The following FN1 variants were observed in gnomAD, a reference collection of about 807,000 sequenced individuals.
The protein encoded by FN1 is fibronectin.
FN1 carries 106 observed loss-of-function variants against 297.3 expected under a neutral mutation model. The observed-to-expected ratio is 0.36, with a 90% CI of 0.30 to 0.42. The LOEUF is 0.42. Ranked by LOEUF, FN1 falls within the 10% of genes least tolerant of loss-of-function variation. The pLI is 1.00. For missense variants in FN1, 2,690 were observed against 3,124.9 expected (o/e 0.86, Z 3.32); for synonymous variants, 1,149 against 1,152.6 (o/e 1.00, Z 0.06).
At chr2:215,425,616 G>T (rs943662362) in intron 6 of FN1, among the ~76,000 whole-genome samples, 2 of 151,588 alleles carry the variant, frequency 1.3e-5, no homozygotes, top group African/African-American at 4.8e-5. Flanking sequence ...GCAGTGGCGC[G>T]GTCTCGGCTC....
At chr2:215,379,435 C>A (rs774348332) in intron 33 of FN1, 118 bp from the exon 34 acceptor site, 1 of 815,420 alleles carries the variant, frequency 1.2e-6, no homozygotes, top group Non-Finnish European at 2.0e-6. Context: ...GTTCCCTGGT[C>A]AAGCAAAGAT....
At chr2:215,424,799 T>C (rs1270470744) in intron 7 of FN1, among the ~76,000 whole-genome samples, 2 of 152,320 alleles carry the variant, frequency 1.3e-5, no homozygotes, top group Middle Eastern at 3.4e-3. Context: ...TGCTGAAATT[T>C]GAGATTTAGA....
At chr2:215,381,574 A>G (rs2058218045) in intron 32 of FN1, 1 of 223,638 alleles carries the variant, frequency 4.5e-6, no homozygotes, top group Admixed American at 5.3e-5. Flanking sequence ...CCTGGGTCCA[A>G]GTGATTCTTC....
intron 5 of FN1, among the ~76,000 whole-genome samples, chr2:215,429,642 T>C (rs1399298416): frequency 6.6e-6 from 1 of 152,226 alleles, no homozygotes; most frequent in African/African-American, 2.4e-5. Context: ...CTTTCAGTAT[T>C]TCTGTTGAAA....
chr2:215,431,663 T>A (rs1419641455), intron 4 of FN1, among the ~76,000 whole-genome samples, 170 bp downstream of exon 4: 1 of 152,250 alleles, frequency 6.6e-6, no homozygotes, highest in South Asian at 2.1e-4. Flanking sequence ...ATCTAACTCC[T>A]GTAAGAAGAC....
intron 28 of FN1, among the ~76,000 whole-genome samples, chr2:215,386,005 T>G (rs1422677850): frequency 2.0e-5 from 3 of 151,564 alleles, no homozygotes; most frequent in African/African-American, 7.3e-5. Context: ...CTCGATCTCT[T>G]GACCTCGTGA....
Position 215,434,582 on chromosome 2 carries a change from A to G in FN1, c.277+114T>C, listed in dbSNP as rs2067129392. ...CAGTTTTTAAACTTAAGAGGAAATG[A>G]CAGGTAATTCTATTAGAAAAATGGT... On this transcript the variant is annotated intron_variant, in intron 2 of 45. Coordinates refer to ENST00000354785, the MANE Select transcript of FN1 (RefSeq NM_212482.4). The G allele has an allele frequency of 2.1e-5, 26 of 1,240,824 alleles. No individual in the cohort carries two copies. The South Asian group carries it at 3.0e-4, about 14-fold the overall frequency. The allele number at this position is 1,240,824 out of a possible 1,614,324, so 76.9% of individuals were successfully genotyped here. A position where few individuals can be genotyped will look rare whatever the true frequency, so the allele number is the denominator to read the frequency against.
chr2:215,387,293 T>G (rs1322360635), intron 27 of FN1, among the ~76,000 whole-genome samples: 1 of 152,184 alleles, frequency 6.6e-6, no homozygotes, highest in African/African-American at 2.4e-5. Flanking sequence ...AATTGACATT[T>G]TCAAATTCTT....
chr2:215,409,539 TCTTGAGCGACATATTGAG>T lies in FN1; in HGVS notation c.2299+6_2299+23del. On this transcript the variant is annotated splice_donor_region_variant and intron_variant, in intron 15 of 45. Transcript: ENST00000354785. ...TTTTCCAGCAGCTGCCCTGAACCTGTCTTGAGCGACATATTGAGCTTACCCAGGTACTGTGGCTCATCT... is the reference window on the plus strand; with the variant it reads ...TTTTCCAGCAGCTGCCCTGAACCTGTCTTACCCAGGTACTGTGGCTCATCT... The T allele has an allele frequency of 6.2e-7, 1 of 1,611,048 alleles. No homozygotes were observed. The highest frequency in any genetic ancestry group is 8.5e-7 in the Non-Finnish European group (1 of 1,178,706).
At chr2:215,388,158 T>A (rs1040215316) in intron 27 of FN1, 54 bp downstream of exon 27, 9 of 1,248,674 alleles carry the variant, frequency 7.2e-6, no homozygotes, top group Non-Finnish European at 9.4e-6. Context: ...TCATTTGTTA[T>A]ACAGAATTGA....
rs979683246 is a variant in FN1, at chr2:215,425,700, G to A, written c.845-415C>T. ...CCCAAGTAGCTGCAATTACAGGCAC[G>A]CACCACCATGCCCAGCTGATTTTTT... On this transcript the variant is annotated intron_variant, in intron 6 of 45. Coordinates refer to ENST00000354785, the MANE Select transcript of FN1 (RefSeq NM_212482.4). Among the ~76,000 whole-genome samples the A allele has an allele frequency of 5.9e-5, 9 of 151,942 alleles. No homozygotes were observed. The South Asian group carries it at 1.0e-3, about 18-fold the overall frequency.
intron 20 of FN1, among the ~76,000 whole-genome samples, chr2:215,401,239 A>AGG (rs2061045590): frequency 1.5e-5 from 1 of 65,598 alleles, no homozygotes. Flanking sequence ...AGAAAGAAAG[A>AGG]AAGAAAGAAA....
Position 215,431,858 on chromosome 2 carries a change from T to C in FN1, c.522A>G (p.Lys174=), listed in dbSNP as rs148149757. 5 of 1,613,972 alleles carry C rather than the reference T, an allele frequency of 3.1e-6. No homozygotes were observed. The highest frequency in any genetic ancestry group is 1.6e-4 in the Middle Eastern group (1 of 6,084). ...CTATGGGCTTGCAGGTCCATTCTCC[T>C]TTTCCATTACCAAGACACACACACT... ...MLECVCLGNG[K]GEWTCKPIAE... Residue 174 remains lysine, a synonymous_variant, in exon 4 of 46, where the codon AAA becomes AAG. Transcript: ENST00000354785.
chr2:215,424,309 G>GT lies in FN1; in HGVS notation c.1052dup (p.Tyr351Ter). 6.2e-7 allele frequency: 1 copy of GT among 1,613,768 alleles called. No homozygotes were observed. The highest frequency in any genetic ancestry group is 8.5e-7 in the Non-Finnish European group (1 of 1,179,668). The part of the protein sequence containing the change: ...SCQETAVTQT[Y>*]GGNSNGEPCV... ...ATGGCTCTCCATTTGAGTTGCCACC[G>GT]TAAGTCTGGGTTACAGCTACAATCA... Residue 351 changes from tyrosine (Y) to a stop codon, truncating the protein, a stop_gained and frameshift_variant, in exon 8 of 46, where the codon TAC becomes TAAC. Transcript: ENST00000354785. LOFTEE classifies it high-confidence loss of function.
In FN1 at chr2:215,420,814, CAGGT is replaced by C. The variant is rs760506683; in HGVS notation, c.1547-17_1547-14del. The C allele has an allele frequency of 1.2e-5, 20 of 1,613,692 alleles. No homozygotes were observed. The highest frequency in any genetic ancestry group is 1.5e-5 in the Non-Finnish European group (18 of 1,179,748). ...ACAATGCACTGATCTGTTTAGGAAACAGGTGGGTGAGTGAGAAACTTTTTAAAGT... is the reference window on the plus strand; with the variant it reads ...ACAATGCACTGATCTGTTTAGGAAACGGGTGAGTGAGAAACTTTTTAAAGT... On this transcript the variant is annotated splice_polypyrimidine_tract_variant and intron_variant, in intron 10 of 45. Coordinates refer to ENST00000354785, the MANE Select transcript of FN1 (RefSeq NM_212482.4).
rs185538806 is a variant in FN1 at position 215,415,018 on chromosome 2, T to C, written c.1820-60A>G. The C allele has an allele frequency of 9.1e-4, 1,190 of 1,313,070 alleles. 12 individuals carry two copies. The African/African-American group carries it at 0.015, about 17-fold the overall frequency. The allele number at this position is 1,313,070 out of a possible 1,614,324, so 81.3% of individuals were successfully genotyped here. A position where few individuals can be genotyped will look rare whatever the true frequency, so the allele number is the denominator to read the frequency against. On this transcript the variant is annotated intron_variant, in intron 12 of 45. Transcript: ENST00000354785. ...ATATTCACTCACTTCAACTTAAAAC[T>C]GTGTACATGGACAGTCATCATTATA...
intron 19 of FN1, among the ~76,000 whole-genome samples, chr2:215,405,882 T>A (rs1446494394): frequency 6.6e-6 from 1 of 152,222 alleles, no homozygotes; most frequent in Non-Finnish European, 1.5e-5. Flanking sequence ...ACAATTGCTA[T>A]TGTTAAATGA....
intron 25 of FN1, 43 bp from the exon 26 acceptor site, chr2:215,391,857 A>C: frequency 6.4e-7 from 1 of 1,569,862 alleles, no homozygotes; most frequent in Non-Finnish European, 8.8e-7. Flanking sequence ...TGTAATTTTA[A>C]AATTAAAGCT....
At chr2:215,363,223 C>G (rs1375799241) in intron 44 of FN1, 1 of 152,048 alleles carries the variant, frequency 6.6e-6, no homozygotes, top group Non-Finnish European at 1.5e-5. Context: ...GAATAAGTGT[C>G]GCACATGAAA....
Sources: gnomAD v4.1 joint callset for allele counts (sites outside exome capture counted in the v4.1 genomes callset) on GRCh38, gnomAD v4.1.1 for gene constraint, MANE v1.5 for transcripts, NCBI Gene and HGNC (gene_info 2026-07-23, HGNC 2026-07-21) for gene names.